Variants in KIF21A observed in about 807,000 individuals in gnomAD.
The protein encoded by KIF21A is kinesin family member 21A.
A neutral mutation model predicts 202.9 loss-of-function variants in KIF21A; 114 were observed. The ratio of observed to expected loss-of-function variants is 0.56; its 90% CI spans 0.48 to 0.66. KIF21A has a LOEUF of 0.66. Ranked by LOEUF, KIF21A falls within the 30% of genes least tolerant of loss-of-function variation. KIF21A has a pLI of 0.00. For synonymous variants in KIF21A, 667 were observed against 670.8 expected, an observed-to-expected ratio of 0.99 and a Z score of 0.09; for missense variants, 1,677 against 1,994.9, an observed-to-expected ratio of 0.84 and a Z score of 3.04.
At chr12:39,326,597 G>T (rs1001975730) in intron 24 of KIF21A, among the ~76,000 whole-genome samples, 9 of 151,972 alleles carry the variant, frequency 5.9e-5, no homozygotes, top group African/African-American at 2.2e-4. Context: ...GAATGAGATG[G>T]GTACATATGA....
chr12:39,443,012 G>A lies in KIF21A; in HGVS notation c.-42C>T. The A allele has an allele frequency of 2.0e-6, 3 of 1,505,246 alleles. No individual in the cohort carries two copies. The highest frequency in any genetic ancestry group is 1.2e-5 in the South Asian group (1 of 80,936). The allele number at this position is 1,505,246 out of a possible 1,614,324, so 93.2% of individuals were successfully genotyped here. A position where few individuals can be genotyped will look rare whatever the true frequency, so the allele number is the denominator to read the frequency against. On this transcript the variant is annotated 5_prime_UTR_variant, in exon 1 of 38. Transcript: ENST00000361418. ...GATCGAGCCGTTGGGCCTCGGCACC[G>A]CAGAGCTGAGGCGCCACTGGGGCCG...
At chr12:39,342,941 C>T (rs573816961) in intron 12 of KIF21A, among the ~76,000 whole-genome samples, 15 of 152,214 alleles carry the variant, frequency 9.9e-5, no homozygotes, top group African/African-American at 3.4e-4. Context: ...TTTCGTACAC[C>T]CAAATAACTC....
chr12:39,367,748 A>G, intron 4 of KIF21A, 135 bp downstream of exon 4: 1 of 699,416 alleles, frequency 1.4e-6, no homozygotes, highest in Non-Finnish European at 2.4e-6. Context: ...ATGTGAGGAA[A>G]GAACACAAGA....
intron 1 of KIF21A, among the ~76,000 whole-genome samples, chr12:39,416,689 A>ATATATATATGTACATATATGTGTG (rs1953681878): frequency 1.1e-5 from 1 of 94,740 alleles, no homozygotes; most frequent in Non-Finnish European, 1.9e-5. Flanking sequence ...ATATGTGTGT[A>ATATATATATGTACATATATGTGTG]TATATATATG....
intron 6 of KIF21A, among the ~76,000 whole-genome samples, chr12:39,364,459 C>A (rs185329163): frequency 3.9e-5 from 6 of 152,168 alleles, no homozygotes; most frequent in Non-Finnish European, 5.9e-5. Context: ...TGCAAGAAGT[C>A]CAGAATCCAG....
At position 39,366,467 on chromosome 12, in the gene KIF21A, TTCA is replaced by T. The variant is rs1443576211; in HGVS notation, c.783_785del (p.Asn261_Glu262delinsLys). The stretch of plus-strand genomic sequence containing the variant: ...GGAACTTTGCAGTCAGGGTTTCAAA[TTCA>T]TTCATCTGTGCTGATTCAGAAATAA... On this transcript the variant is annotated inframe_deletion, in exon 6 of 38. Coordinates refer to ENST00000361418, the MANE Select transcript of KIF21A (RefSeq NM_001173464.2). 1 of 1,613,280 alleles carries T rather than the reference TTCA, an allele frequency of 6.2e-7. No homozygotes were observed. Among genetic ancestry groups the T allele is most frequent in the Non-Finnish European group, 8.5e-7 (1 of 1,179,362 alleles).
intron 1 of KIF21A, among the ~76,000 whole-genome samples, chr12:39,421,710 A>C (rs1954275423): frequency 7.4e-6 from 1 of 135,182 alleles, no homozygotes; most frequent in South Asian, 2.5e-4. Context: ...ATAAATAAAT[A>C]AATATATATA....
rs750450259 is a variant in KIF21A, at chr12:39,341,563, TTCCTCC to T, written c.1857_1862del (p.Glu620_Glu621del). 6 of 1,605,000 alleles carry T rather than the reference TTCCTCC, an allele frequency of 3.7e-6. No individual in the cohort carries two copies. The highest frequency in any genetic ancestry group is 3.3e-5 in the South Asian group (3 of 90,710). ...AACTTTCACCCCCATCAATGTCATC[TTCCTCC>T]TCCTCCTCCTCCTCTTCTTCATCCT... On this transcript the variant is annotated inframe_deletion, in exon 14 of 38. Transcript: ENST00000361418.
intron 11 of KIF21A, among the ~76,000 whole-genome samples, chr12:39,348,410 G>A (rs556177450): frequency 1.2e-4 from 18 of 152,142 alleles, no homozygotes; most frequent in Middle Eastern, 6.8e-3. Context: ...AGCACAAAAA[G>A]GTAGAAGAGC....
At chr12:39,377,813 G>A (rs1303133059) in intron 1 of KIF21A, among the ~76,000 whole-genome samples, 1 of 152,126 alleles carries the variant, frequency 6.6e-6, no homozygotes, top group Non-Finnish European at 1.5e-5. Context: ...ATACTTTTAT[G>A]AATGACAAAG....
intron 1 of KIF21A, among the ~76,000 whole-genome samples, chr12:39,379,391 T>C (rs189509512): frequency 6.6e-5 from 10 of 151,570 alleles, no homozygotes; most frequent in African/African-American, 2.4e-4. Flanking sequence ...CACCACCTAA[T>C]TAGGCATACC....
At chr12:39,357,972 T>C (rs1219231139) in intron 8 of KIF21A, among the ~76,000 whole-genome samples, 1 of 133,872 alleles carries the variant, frequency 7.5e-6, no homozygotes, top group Non-Finnish European at 1.6e-5. Context: ...TAGGAAAGCT[T>C]TTGAACAAAC....
intron 1 of KIF21A, among the ~76,000 whole-genome samples, chr12:39,375,227 T>A (rs1356994381): frequency 6.6e-6 from 1 of 152,198 alleles, no homozygotes; most frequent in Non-Finnish European, 1.5e-5. Context: ...ACAAAAGTTT[T>A]AAAATAAAGT....
chr12:39,302,335 T>A (rs1943040202), intron 36 of KIF21A, among the ~76,000 whole-genome samples: 2 of 152,168 alleles, frequency 1.3e-5, no homozygotes, highest in African/African-American at 4.8e-5. Flanking sequence ...CTTGTTTGTT[T>A]GGTTTTCATC....
chr12:39,340,363 G>A lies in KIF21A; in HGVS notation c.2112C>T (p.Gly704=). 6.2e-7 allele frequency: 1 copy of A among 1,601,916 alleles called. No homozygotes were observed. Among genetic ancestry groups the A allele is most frequent in the East Asian group, 2.2e-5 (1 of 44,678 alleles). ...TTTCTTCTGAGTAAGATTCTACCGA[G>A]CCTAAATGACCAGAGGACATTTTTA... is the stretch of plus-strand genomic sequence containing the variant. ...LERDQVLQNL[G]SVESYSEEKA... Residue 704 remains glycine (G), a splice_region_variant and synonymous_variant, in exon 16 of 38, where the codon GGC becomes GGT. Transcript: ENST00000361418.
At chr12:39,368,788 AG>A (rs1258978463) in intron 3 of KIF21A, among the ~76,000 whole-genome samples, 1 of 152,068 alleles carries the variant, frequency 6.6e-6, no homozygotes, top group Admixed American at 6.5e-5. Flanking sequence ...CATAAGGCTG[AG>A]GAAAATTTTC....
chr12:39,414,775 AG>A (rs1296078366), intron 1 of KIF21A, among the ~76,000 whole-genome samples: 1 of 152,186 alleles, frequency 6.6e-6, no homozygotes, highest in Middle Eastern at 3.2e-3. Flanking sequence ...AAAAATTTAG[AG>A]AGTCAATCAA....
chr12:39,319,485 T>C (rs1002277702), intron 28 of KIF21A, among the ~76,000 whole-genome samples: 2 of 152,140 alleles, frequency 1.3e-5, no homozygotes, highest in South Asian at 4.2e-4. Context: ...ATGATTAATA[T>C]TAGTTTTTCT....
intron 29 of KIF21A, 40 bp from the exon 30 acceptor site, chr12:39,316,010 G>A (rs750797936): frequency 4.4e-6 from 6 of 1,376,990 alleles, no homozygotes; most frequent in Non-Finnish European, 6.2e-6. Flanking sequence ...AAAGAATACA[G>A]ATGTCAACAG....
Sources: gnomAD v4.1 joint callset for allele counts (sites outside exome capture counted in the v4.1 genomes callset) on GRCh38, gnomAD v4.1.1 for gene constraint, MANE v1.5 for transcripts, NCBI Gene and HGNC (gene_info 2026-07-23, HGNC 2026-07-21) for gene names.